Variants in GALNTL6 observed in about 807,000 individuals in gnomAD.
GALNTL6 encodes the protein polypeptide N-acetylgalactosaminyltransferase-like 6.
Under a neutral mutation model 73.7 loss-of-function variants are expected in GALNTL6, and 46 were observed. That is an observed-to-expected ratio of 0.62 (90% CI 0.49 to 0.80). The LOEUF (loss-of-function observed/expected upper bound fraction) is 0.80. Among genes scored for constraint, GALNTL6 ranks in the 30% least tolerant of loss-of-function variants. The pLI is 0.00. For synonymous variants in GALNTL6, 259 were observed against 263.7 expected (o/e 0.98, Z 0.17); for missense variants, 604 against 755.0 (o/e 0.80, Z 2.34).
intron 2 of GALNTL6, among the ~76,000 whole-genome samples, chr4:172,159,589 TGG>T (rs1734390706): frequency 6.6e-6 from 1 of 152,124 alleles, no homozygotes; most frequent in African/African-American, 2.4e-5. Flanking sequence ...TTATGACCTT[TGG>T]GTTGAAAACT....
rs70941402 is a variant in GALNTL6 at position 172,339,257 on chromosome 4, C to CCACACACACACACACACA, written c.387-9225_387-9208dup. On this transcript the variant is annotated intron_variant, in intron 4 of 12. Coordinates refer to ENST00000506823, the MANE Select transcript of GALNTL6 (RefSeq NM_001034845.3). The stretch of plus-strand genomic sequence containing the variant: ...GGCACCCAGCAAACACACACACACA[C>CCACACACACACACACACA]CACACACACACACACACACACACAC... 2.5e-3 allele frequency among the ~76,000 whole-genome samples: 297 copies of CCACACACACACACACACA among 121,000 alleles called. 2 individuals are homozygous for CCACACACACACACACACA. The highest frequency in any genetic ancestry group is 6.6e-3 in the East Asian group (24 of 3,620). The allele number at this position is 121,000 out of a possible 152,430, so 79.4% of individuals were successfully genotyped here.
At chr4:172,043,068 T>C (rs1045183700) in intron 2 of GALNTL6, among the ~76,000 whole-genome samples, 2 of 151,854 alleles carry the variant, frequency 1.3e-5, no homozygotes, top group Non-Finnish European at 2.9e-5. Flanking sequence ...TGGCCTATTT[T>C]AAAAATATGT....
At chr4:172,727,290 A>T (rs1579401996) in intron 5 of GALNTL6, among the ~76,000 whole-genome samples, 1 of 152,216 alleles carries the variant, frequency 6.6e-6, no homozygotes, top group Non-Finnish European at 1.5e-5. Context: ...AGAAAGTCAT[A>T]TACTTTACAC....
chr4:172,679,948 T>C (rs1282322098), intron 5 of GALNTL6, among the ~76,000 whole-genome samples: 1 of 152,156 alleles, frequency 6.6e-6, no homozygotes, highest in Admixed American at 6.5e-5. Context: ...TTTTTCATTT[T>C]CAATGCTTAC....
chr4:172,235,262 C>T (rs1372440635), intron 3 of GALNTL6, among the ~76,000 whole-genome samples: 3 of 152,050 alleles, frequency 2.0e-5, no homozygotes, highest in Non-Finnish European at 4.4e-5. Flanking sequence ...GGCTGGAGTG[C>T]AGTGGTGTGA....
At chr4:171,937,316 C>T (rs1040447640) in intron 2 of GALNTL6, among the ~76,000 whole-genome samples, 12 of 151,988 alleles carry the variant, frequency 7.9e-5, no homozygotes, top group Non-Finnish European at 1.5e-4. Flanking sequence ...ATTTTTCTTA[C>T]TTATTTTTCC....
At chr4:171,915,038 T>C (rs917882415) in intron 2 of GALNTL6, among the ~76,000 whole-genome samples, 2 of 152,110 alleles carry the variant, frequency 1.3e-5, no homozygotes, top group African/African-American at 4.8e-5. Context: ...ATAAAGGGAA[T>C]ATGGACAGGA....
At chr4:172,794,218 T>C (rs1300999943) in intron 5 of GALNTL6, among the ~76,000 whole-genome samples, 1 of 152,208 alleles carries the variant, frequency 6.6e-6, no homozygotes, top group Admixed American at 6.5e-5. Flanking sequence ...CATTTTACAC[T>C]CTTTTGGGAA....
At position 172,482,112 on chromosome 4, in the gene GALNTL6, C is replaced by T. The variant is rs141203975; in HGVS notation, c.553+133423C>T. 8.6e-3 allele frequency among the ~76,000 whole-genome samples: 1,304 copies of T among 152,254 alleles called. 21 individuals are homozygous for T. Among genetic ancestry groups the T allele is most frequent in the African/African-American group, 0.03 (1,242 of 41,552 alleles). On this transcript the variant is annotated intron_variant, in intron 5 of 12. Transcript: ENST00000506823. ...GGCGCCCCCTCCACAGCTGCTGGCCCGGGTGCTAAGCCCCTCACTGCCCAG... is the reference window on the plus strand; with the variant it reads ...GGCGCCCCCTCCACAGCTGCTGGCCTGGGTGCTAAGCCCCTCACTGCCCAG...
intron 2 of GALNTL6, among the ~76,000 whole-genome samples, chr4:172,010,973 A>T (rs947456622): frequency 6.6e-6 from 1 of 152,058 alleles, no homozygotes; most frequent in Non-Finnish European, 1.5e-5. Context: ...ATTATGAAAA[A>T]TTTGATTAAT....
chr4:172,277,300 T>C (rs1187568304), intron 3 of GALNTL6, among the ~76,000 whole-genome samples: 1 of 152,066 alleles, frequency 6.6e-6, no homozygotes, highest in Non-Finnish European at 1.5e-5. Context: ...GGAGTTTCTA[T>C]GACATCCTGC....
chr4:172,262,884 G>A (rs1013644051), intron 3 of GALNTL6, among the ~76,000 whole-genome samples: 109 of 151,420 alleles, frequency 7.2e-4, no homozygotes, highest in African/African-American at 2.6e-3. Context: ...ATTAAGTTTA[G>A]TTTGCTAGAT....
intron 7 of GALNTL6, among the ~76,000 whole-genome samples, chr4:172,843,224 G>C (rs147269586): frequency 2.0e-5 from 3 of 152,172 alleles, no homozygotes; most frequent in Admixed American, 6.5e-5. Context: ...TATAAATGGA[G>C]GTTCTTGATT....
chr4:172,299,014 G>A (rs1287220021), intron 3 of GALNTL6, among the ~76,000 whole-genome samples: 1 of 152,102 alleles, frequency 6.6e-6, no homozygotes, highest in Non-Finnish European at 1.5e-5. Context: ...TTTTTGGTTG[G>A]TAAGCTATTA....
chr4:172,711,239 G>C (rs1169331981), intron 5 of GALNTL6, among the ~76,000 whole-genome samples: 5 of 152,146 alleles, frequency 3.3e-5, no homozygotes, highest in Admixed American at 3.3e-4. Context: ...TGTGGTCTGG[G>C]AAAAGCATTC....
At chr4:171,987,151 A>G (rs1560872512) in intron 2 of GALNTL6, among the ~76,000 whole-genome samples, 2 of 152,318 alleles carry the variant, frequency 1.3e-5, no homozygotes, top group East Asian at 3.9e-4. Context: ...TTCTGAGGAC[A>G]GGCCTGACTT....
intron 2 of GALNTL6, among the ~76,000 whole-genome samples, chr4:172,166,937 A>G (rs1045207605): frequency 2.8e-4 from 43 of 152,170 alleles, no homozygotes; most frequent in Non-Finnish European, 2.2e-4. Flanking sequence ...AGAGAAGGGG[A>G]CAAGCCATTC....
chr4:171,883,694 C>G (rs1736524802), intron 2 of GALNTL6, among the ~76,000 whole-genome samples: 1 of 151,410 alleles, frequency 6.6e-6, no homozygotes, highest in Admixed American at 6.6e-5. Flanking sequence ...GTCGCCCAGG[C>G]TGGACTGCAG....
chr4:172,177,819 G>A (rs6858751), intron 2 of GALNTL6, among the ~76,000 whole-genome samples: 5,355 of 131,124 alleles, frequency 0.041, 322 homozygotes, highest in African/African-American at 0.15. Flanking sequence ...ATATGTGTGT[G>A]TATATATACA....
Sources: gnomAD v4.1 joint callset for allele counts (sites outside exome capture counted in the v4.1 genomes callset) on GRCh38, gnomAD v4.1.1 for gene constraint, MANE v1.5 for transcripts, NCBI Gene and HGNC (gene_info 2026-07-23, HGNC 2026-07-21) for gene names.